The following COLEC12 variants were observed in gnomAD, a reference collection of about 807,000 sequenced individuals.
COLEC12 encodes the protein collectin-12.
COLEC12 carries 33 observed loss-of-function variants against 71.1 expected under a neutral mutation model. The ratio of observed to expected loss-of-function variants is 0.46; its 90% confidence interval spans 0.35 to 0.62. COLEC12 has a LOEUF of 0.62. Among genes scored for constraint, COLEC12 ranks in the 20% least tolerant of loss-of-function variants. The pLI is 0.00. For synonymous variants in COLEC12, 350 were observed against 353.0 expected, an observed-to-expected ratio of 0.99 and a Z score of 0.10; for missense variants, 765 against 916.1, an observed-to-expected ratio of 0.84 and a Z score of 2.13.
intron 2 of COLEC12, among the ~76,000 whole-genome samples, chr18:439,998 C>T (rs1414480095): frequency 6.6e-6 from 1 of 152,054 alleles, no homozygotes; most frequent in Non-Finnish European, 1.5e-5. Flanking sequence ...AATGCACACA[C>T]ACACACACAC....
intron 2 of COLEC12, among the ~76,000 whole-genome samples, chr18:369,046 T>G (rs1196534220): frequency 6.6e-6 from 1 of 152,250 alleles, no homozygotes; most frequent in African/African-American, 2.4e-5. Context: ...AAATTGGTCA[T>G]GCTGGAAGTA....
intron 2 of COLEC12, among the ~76,000 whole-genome samples, chr18:435,962 C>A (rs187864353): frequency 6.6e-6 from 1 of 152,188 alleles, no homozygotes; most frequent in African/African-American, 2.4e-5. Context: ...GTTCACCTTT[C>A]CCCTTTCATC....
intron 2 of COLEC12, among the ~76,000 whole-genome samples, chr18:460,753 G>A (rs1225796232): frequency 6.7e-6 from 1 of 148,430 alleles, no homozygotes; most frequent in African/African-American, 2.5e-5. Context: ...AGTCTGCTAT[G>A]TGCATCCTCT....
In COLEC12 at chr18:350,112, C is replaced by G. The variant is rs115670673; in HGVS notation, c.182-1949G>C. Among the ~76,000 whole-genome samples the G allele has an allele frequency of 7.8e-3, 1,193 of 152,298 alleles. 15 individuals are homozygous for G. Among genetic ancestry groups the G allele is most frequent in the African/African-American group, 0.027 (1,115 of 41,548 alleles). On this transcript the variant is annotated intron_variant, in intron 3 of 9. Transcript: ENST00000400256. The stretch of plus-strand genomic sequence containing the variant: ...CCAGGGGTGGAATGATACAGTTTGG[C>G]TGTATTCTCGCCCAAATCTCATCTT...
In COLEC12 at chr18:319,574, T is replaced by A. The variant is rs1913650769; in HGVS notation, c.*471A>T. The stretch of plus-strand genomic sequence containing the variant: ...TATTTTGTACAAAAATACAAAGTTT[T>A]AAAAGCTCTTTAAGTATATTTCATA... On this transcript the variant is annotated 3_prime_UTR_variant, in exon 10 of 10. Transcript: ENST00000400256. The A allele has an allele frequency of 6.6e-6, 1 of 152,032 alleles. No individual in the cohort carries two copies. The highest frequency in any genetic ancestry group is 2.4e-5 in the African/African-American group (1 of 41,330). The allele number at this position is 152,032 out of a possible 1,614,324, so 9.4% of individuals were successfully genotyped here. A position where few individuals can be genotyped will look rare whatever the true frequency, so the allele number is the denominator to read the frequency against.
intron 2 of COLEC12, among the ~76,000 whole-genome samples, chr18:460,969 G>A (rs1598372124): frequency 1.3e-5 from 2 of 152,184 alleles, no homozygotes; most frequent in South Asian, 2.1e-4. Flanking sequence ...TTTGAATGAA[G>A]GTTGGTTGGT....
At chr18:415,049 A>G (rs1391964756) in intron 2 of COLEC12, among the ~76,000 whole-genome samples, 1 of 152,204 alleles carries the variant, frequency 6.6e-6, no homozygotes, top group Non-Finnish European at 1.5e-5. Context: ...GGTTACATTC[A>G]AAATGCATCA....
At chr18:424,261 C>T (rs964814610) in intron 2 of COLEC12, 4 of 152,238 alleles carry the variant, frequency 2.6e-5, no homozygotes, top group African/African-American at 9.7e-5. Flanking sequence ...GAATGAAGAT[C>T]GTAGTGGGAC....
At chr18:403,797 G>A (rs538075472) in intron 2 of COLEC12, among the ~76,000 whole-genome samples, 1 of 151,162 alleles carries the variant, frequency 6.6e-6, no homozygotes, top group South Asian at 2.1e-4. Context: ...AGCCAATTTT[G>A]CCAGGTCACT....
intron 2 of COLEC12, among the ~76,000 whole-genome samples, chr18:472,701 A>AAGAAG (rs1555622343): frequency 1.4e-4 from 20 of 144,236 alleles, no homozygotes; most frequent in Non-Finnish European, 1.0e-4. Context: ...AAAAAAAAAA[A>AAGAAG]AAGAAGAAGA....
intron 2 of COLEC12, among the ~76,000 whole-genome samples, chr18:409,724 A>G (rs111958683): frequency 0.035 from 5,284 of 152,314 alleles, 150 homozygotes; most frequent in African/African-American, 0.081. Context: ...TACCATAGAT[A>G]TTAATTACCC....
intron 2 of COLEC12, among the ~76,000 whole-genome samples, chr18:459,049 C>A (rs1015501162): frequency 1.3e-5 from 2 of 152,128 alleles, no homozygotes; most frequent in African/African-American, 4.8e-5. Flanking sequence ...GGAGAGGTCT[C>A]CCTGTGTTGT....
chr18:373,617 T>C (rs891143049), intron 2 of COLEC12, among the ~76,000 whole-genome samples: 1 of 152,150 alleles, frequency 6.6e-6, no homozygotes, highest in Non-Finnish European at 1.5e-5. Context: ...ACAAATCTCG[T>C]TGTCAATTTC....
chr18:401,353 T>C (rs1054825322), intron 2 of COLEC12, among the ~76,000 whole-genome samples: 3 of 152,246 alleles, frequency 2.0e-5, no homozygotes, highest in African/African-American at 7.2e-5. Context: ...AAATAATTCC[T>C]CTGTAAAATC....
At chr18:429,097 T>C (rs886545474) in intron 2 of COLEC12, among the ~76,000 whole-genome samples, 1 of 152,154 alleles carries the variant, frequency 6.6e-6, no homozygotes, top group East Asian at 1.9e-4. Context: ...TTCCTAAACA[T>C]TAAGAAGGAA....
intron 3 of COLEC12, among the ~76,000 whole-genome samples, chr18:356,770 C>G (rs904628958): frequency 3.9e-5 from 6 of 152,210 alleles, no homozygotes; most frequent in Non-Finnish European, 8.8e-5. Context: ...CTTACTGTGT[C>G]TGCAAGTCTG....
chr18:393,206 T>C (rs947272365), intron 2 of COLEC12, among the ~76,000 whole-genome samples: 1 of 152,204 alleles, frequency 6.6e-6, no homozygotes. Context: ...GAAACAGTCT[T>C]ATAAAAATTG....
At chr18:397,709 C>A (rs1403162671) in intron 2 of COLEC12, among the ~76,000 whole-genome samples, 1 of 152,208 alleles carries the variant, frequency 6.6e-6, no homozygotes, top group Non-Finnish European at 1.5e-5. Flanking sequence ...ATGTGTCCAT[C>A]TTGTGAAGGT....
chr18:324,530 TTAGAA>T (rs1303113145), intron 8 of COLEC12, among the ~76,000 whole-genome samples: 3 of 152,156 alleles, frequency 2.0e-5, no homozygotes, highest in African/African-American at 7.2e-5. Context: ...TATAAGATAC[TTAGAA>T]TAGGATTTAG....
Sources: allele counts gnomAD v4.1 joint callset (sites outside exome capture counted in the v4.1 genomes callset), GRCh38; gene constraint gnomAD v4.1.1; transcripts MANE v1.5; gene names NCBI Gene and HGNC (gene_info 2026-07-23, HGNC 2026-07-21).